CACNG2: variants seen among roughly 807,000 people sequenced by gnomAD.
CACNG2 encodes the protein voltage-dependent calcium channel gamma-2 subunit.
In CACNG2, 3 loss-of-function variants were observed where a neutral mutation model predicts 25.9. The observed-to-expected ratio is 0.12, with a 90% CI of 0.05 to 0.30. CACNG2 has a LOEUF of 0.30. Ranked by LOEUF, CACNG2 falls within the 10% of genes least tolerant of loss-of-function variation. CACNG2 has a pLI of 1.00. For missense variants in CACNG2, 341 were observed against 432.5 expected, an observed-to-expected ratio of 0.79 and a Z score of 1.88; for synonymous variants, 167 against 173.3, an observed-to-expected ratio of 0.96 and a Z score of 0.29.
chr22:36,567,873 G>A (rs937506632), intron 2 of CACNG2, among the ~76,000 whole-genome samples: 6 of 151,990 alleles, frequency 3.9e-5, no homozygotes, highest in East Asian at 1.9e-4. Context: ...TTTTTGAGAC[G>A]GAGTCTTCCC....
At chr22:36,698,848 G>A (rs1410067758) in intron 1 of CACNG2, among the ~76,000 whole-genome samples, 1 of 152,128 alleles carries the variant, frequency 6.6e-6, no homozygotes, top group Non-Finnish European at 1.5e-5. Context: ...CTGAAGGTCT[G>A]GAAATCCTTT....
At chr22:36,590,691 T>A (rs1488671648) in intron 1 of CACNG2, among the ~76,000 whole-genome samples, 1 of 152,152 alleles carries the variant, frequency 6.6e-6, no homozygotes, top group Non-Finnish European at 1.5e-5. Context: ...ATGACAGTGA[T>A]CCTTTGTACA....
At chr22:36,625,068 C>T (rs1936165813) in intron 1 of CACNG2, among the ~76,000 whole-genome samples, 1 of 144,020 alleles carries the variant, frequency 6.9e-6, no homozygotes, top group Non-Finnish European at 1.5e-5. Context: ...CCTTGGGGTC[C>T]CTTCCAGATG....
intron 1 of CACNG2, among the ~76,000 whole-genome samples, chr22:36,651,224 C>CTTTTTTTTTTTTT (rs11411019): frequency 3.6e-5 from 3 of 83,112 alleles, no homozygotes; most frequent in Admixed American, 1.8e-4. Context: ...CTTCTTCCTC[C>CTTTTTTTTTTTTT]TTTTTTTTTT....
chr22:36,650,323 T>A (rs1204930828), intron 1 of CACNG2, among the ~76,000 whole-genome samples: 1 of 151,836 alleles, frequency 6.6e-6, no homozygotes, highest in Non-Finnish European at 1.5e-5. Context: ...ATCTACTCCT[T>A]TCTGCTTGGC....
intron 1 of CACNG2, among the ~76,000 whole-genome samples, chr22:36,598,360 A>AT (rs1394539428): frequency 1.6e-4 from 24 of 152,128 alleles, no homozygotes; most frequent in Non-Finnish European, 3.1e-4. Context: ...GTTCATGCCT[A>AT]TAATCCCAGC....
Position 36,563,548 on chromosome 22 carries a change from G to A in CACNG2, c.*803C>T, listed in dbSNP as rs188372984. 6.6e-6 allele frequency among the ~76,000 whole-genome samples: 1 copy of A among 152,282 alleles called. No homozygotes were observed. Among genetic ancestry groups the A allele is most frequent in the African/African-American group, 2.4e-5 (1 of 41,562 alleles). On this transcript the variant is annotated 3_prime_UTR_variant, in exon 4 of 4. Coordinates refer to ENST00000300105, the MANE Select transcript of CACNG2 (RefSeq NM_006078.5). ...AGTGGGTTAAGGAGCATTAAGGACT[G>A]GGAACCTGGGGCCAGGCAAGCCCCA...
In CACNG2 at chr22:36,562,197, G is replaced by GGTGTGTGT. The variant is rs142179335; in HGVS notation, c.*2146_*2153dup. Reference sequence around the variant, plus strand: ...CGGGGAGCACAGTGAGGAGGTATATGGTGTGTGTGTGTGTGTGTGTCTGAG... The same window carrying GGTGTGTGT: ...CGGGGAGCACAGTGAGGAGGTATATGGTGTGTGTGTGTGTGTGTGTGTGTGTGTCTGAG... On this transcript the variant is annotated 3_prime_UTR_variant, in exon 4 of 4. Transcript: ENST00000300105. 1 of 151,286 alleles carries GGTGTGTGT rather than the reference G, an allele frequency of 6.6e-6. No individual in the cohort carries two copies. The highest frequency in any genetic ancestry group is 2.4e-5 in the African/African-American group (1 of 41,094). 9.4% of individuals were successfully genotyped at this position (151,286 alleles called of 1,614,324 possible).
intron 1 of CACNG2, among the ~76,000 whole-genome samples, chr22:36,670,552 G>A (rs1207924415): frequency 6.6e-6 from 1 of 152,122 alleles, no homozygotes; most frequent in Non-Finnish European, 1.5e-5. Context: ...TGCACCTCCA[G>A]GGCAGTGTTC....
chr22:36,578,820 C>T lies in CACNG2; in HGVS notation c.295+8645G>A, dbSNP rs556408953. The stretch of plus-strand genomic sequence containing the variant: ...TTAGCAAACCTCTCCTGGGTCTGAT[C>T]CTGGGAAAGGCCCTGTGCTGGAGGG... On this transcript the variant is annotated intron_variant, in intron 2 of 3. Coordinates refer to ENST00000300105, the MANE Select transcript of CACNG2 (RefSeq NM_006078.5). Among the ~76,000 whole-genome samples, 5 of 152,260 alleles carry T rather than the reference C, an allele frequency of 3.3e-5. No homozygotes were observed. The South Asian group carries it at 1.0e-3, about 32-fold the overall frequency.
chr22:36,663,770 G>A (rs1601443516), intron 1 of CACNG2, among the ~76,000 whole-genome samples: 1 of 152,266 alleles, frequency 6.6e-6, no homozygotes, highest in East Asian at 1.9e-4. Flanking sequence ...GACCCGCTGT[G>A]TCCTGGGCAA....
chr22:36,605,015 T>A (rs1935810240), intron 1 of CACNG2, among the ~76,000 whole-genome samples: 1 of 152,172 alleles, frequency 6.6e-6, no homozygotes, highest in Non-Finnish European at 1.5e-5. Flanking sequence ...GCTTAAGCAA[T>A]CCTCCTGCCT....
rs142565099 is a variant in CACNG2 at position 36,673,818 on chromosome 22, T to A, written c.211+28548A>T. 9.9e-5 allele frequency among the ~76,000 whole-genome samples: 15 copies of A among 152,102 alleles called. No individual in the cohort carries two copies. In the East Asian group the frequency reaches 2.7e-3, roughly 28 times the overall value. The stretch of plus-strand genomic sequence containing the variant: ...TTACAGTTTATGAAGCACTTTACAG[T>A]TTATGAAGCATGAGTTATCACGAGT... On this transcript the variant is annotated intron_variant, in intron 1 of 3. Coordinates refer to ENST00000300105, the MANE Select transcript of CACNG2 (RefSeq NM_006078.5).
At chr22:36,580,627 C>T (rs1438098934) in intron 2 of CACNG2, among the ~76,000 whole-genome samples, 1 of 152,172 alleles carries the variant, frequency 6.6e-6, no homozygotes, top group African/African-American at 2.4e-5. Context: ...CCCACACCTC[C>T]AGCCCCAGGC....
chr22:36,680,565 T>C (rs1488378069), intron 1 of CACNG2, among the ~76,000 whole-genome samples: 1 of 143,512 alleles, frequency 7.0e-6, no homozygotes, highest in Non-Finnish European at 1.5e-5. Context: ...ACCACCACCA[T>C]CAGCACCACC....
intron 1 of CACNG2, among the ~76,000 whole-genome samples, chr22:36,653,043 C>G (rs1014972552): frequency 6.6e-6 from 1 of 152,028 alleles, no homozygotes; most frequent in African/African-American, 2.4e-5. Context: ...AAATTCGAGC[C>G]AGGTGCAGTG....
At chr22:36,615,556 C>T (rs1032095441) in intron 1 of CACNG2, among the ~76,000 whole-genome samples, 1 of 152,316 alleles carries the variant, frequency 6.6e-6, no homozygotes, top group African/African-American at 2.4e-5. Context: ...ATGATATGAC[C>T]ATCATTCTCT....
intron 2 of CACNG2, among the ~76,000 whole-genome samples, chr22:36,582,410 C>CTT (rs1215880009): frequency 0.021 from 3,002 of 145,992 alleles, 134 homozygotes; most frequent in African/African-American, 0.073. Context: ...TTCTTTCTTT[C>CTT]TTTTTTTTTT....
At chr22:36,632,326 G>A (rs1376844291) in intron 1 of CACNG2, among the ~76,000 whole-genome samples, 1 of 152,088 alleles carries the variant, frequency 6.6e-6, no homozygotes, top group African/African-American at 2.4e-5. Flanking sequence ...GGAGCTGCGT[G>A]ATCCCCCTGG....
Sources: gnomAD v4.1 joint callset for allele counts (sites outside exome capture counted in the v4.1 genomes callset) on GRCh38, gnomAD v4.1.1 for gene constraint, MANE v1.5 for transcripts, NCBI Gene and HGNC (gene_info 2026-07-23, HGNC 2026-07-21) for gene names.